The following SH3RF2 variants were observed in gnomAD, a reference collection of about 807,000 sequenced individuals.
SH3RF2 encodes E3 ubiquitin-protein ligase SH3RF2.
A neutral mutation model predicts 59.0 loss-of-function variants in SH3RF2; 43 were observed. The observed-to-expected ratio is 0.73, with a 90% CI of 0.57 to 0.94. The LOEUF is 0.94. Ranked by LOEUF, SH3RF2 falls within the 40% of genes least tolerant of loss-of-function variation. The pLI, the probability that SH3RF2 is intolerant of heterozygous loss-of-function variation, is 0.00. For missense variants in SH3RF2, 930 were observed against 940.1 expected (o/e 0.99, Z 0.14); for synonymous variants, 391 against 391.5 (o/e 1.00, Z 0.01).
intron 4 of SH3RF2, among the ~76,000 whole-genome samples, chr5:146,011,139 C>A (rs1217677140): frequency 3.3e-5 from 5 of 152,136 alleles, no homozygotes; most frequent in African/African-American, 1.2e-4. Flanking sequence ...AATAGGGAAT[C>A]GTTTCCCCAT....
At chr5:146,067,156 T>G (rs1370968796), downstream of SH3RF2, among the ~76,000 whole-genome samples, 3 of 151,982 alleles carry the variant, frequency 2.0e-5, no homozygotes, top group African/African-American at 4.8e-5. Context: ...CAGGAAGAGT[T>G]TAAAGCAGCG....
chr5:145,997,092 C>T, intron 2 of SH3RF2: 1 of 585,390 alleles, frequency 1.7e-6, no homozygotes. Flanking sequence ...CACAGGTAAA[C>T]TCGTATCACG....
intron 9 of SH3RF2, among the ~76,000 whole-genome samples, chr5:146,073,307 C>T (rs1763274072): frequency 1.3e-5 from 2 of 152,360 alleles, no homozygotes; most frequent in East Asian, 1.9e-4. Flanking sequence ...GCTGTGTGTA[C>T]CCCAGAATGC....
chr5:146,062,116 C>T (rs879807085), intron 9 of SH3RF2, among the ~76,000 whole-genome samples: 3 of 152,106 alleles, frequency 2.0e-5, no homozygotes, highest in Non-Finnish European at 2.9e-5. Flanking sequence ...GGATCATACC[C>T]TCTTGCCTCA....
downstream of SH3RF2, among the ~76,000 whole-genome samples, chr5:146,067,993 G>C (rs1763144441): frequency 6.6e-6 from 1 of 152,204 alleles, no homozygotes; most frequent in South Asian, 2.1e-4. Flanking sequence ...AAAGCTAAGA[G>C]CTCTGCTAAC....
At chr5:145,967,824 G>A (rs890129515) in intron 2 of SH3RF2, among the ~76,000 whole-genome samples, 11 of 151,834 alleles carry the variant, frequency 7.2e-5, no homozygotes, top group Non-Finnish European at 1.0e-4. Context: ...CACACCCGGC[G>A]AAGTTTTATA....
intron 5 of SH3RF2, among the ~76,000 whole-genome samples, chr5:146,019,994 G>A (rs1157204054): frequency 6.6e-6 from 1 of 152,118 alleles, no homozygotes; most frequent in South Asian, 2.1e-4. Flanking sequence ...GATACATCTA[G>A]GAGTCTTTTG....
At chr5:146,052,727 G>A (rs971825962) in intron 7 of SH3RF2, among the ~76,000 whole-genome samples, 13 of 152,162 alleles carry the variant, frequency 8.5e-5, no homozygotes, top group African/African-American at 3.1e-4. Flanking sequence ...ATCTATCTGT[G>A]TGCAGGTGAC....
At chr5:146,034,260 C>A (rs1761847609) in intron 5 of SH3RF2, among the ~76,000 whole-genome samples, 2 of 152,340 alleles carry the variant, frequency 1.3e-5, no homozygotes, top group Middle Eastern at 3.4e-3. Flanking sequence ...ATTGCCCAAA[C>A]AGCCTGGGTC....
At chr5:146,035,527 C>T (rs757232901) in intron 5 of SH3RF2, among the ~76,000 whole-genome samples, 1 of 152,048 alleles carries the variant, frequency 6.6e-6, no homozygotes, top group Non-Finnish European at 1.5e-5. Flanking sequence ...GTTACACGGT[C>T]GGTGAAAGCA....
chr5:146,030,768 TG>T (rs1351552329), intron 5 of SH3RF2, among the ~76,000 whole-genome samples: 3 of 105,896 alleles, frequency 2.8e-5, no homozygotes, highest in South Asian at 3.5e-4. Context: ...GGGGCAGGGG[TG>T]GGGGGTGAAA....
exon 10 of SH3RF2, chr5:146,081,377 C>T (rs903082026): frequency 2.0e-5 from 3 of 151,952 alleles, no homozygotes; most frequent in Non-Finnish European, 2.9e-5. Flanking sequence ...TTTCTACCAT[C>T]GGTTTTCAAA....
intron 5 of SH3RF2, among the ~76,000 whole-genome samples, chr5:146,031,426 T>G (rs1761738116): frequency 6.6e-6 from 1 of 152,258 alleles, no homozygotes; most frequent in South Asian, 2.1e-4. Context: ...CAGAAGAGAC[T>G]GAACGAATGA....
rs1343815904 is a variant in SH3RF2 at position 146,002,523 on chromosome 5, AG to A, written c.649-1533del. ...AAGGAAGGAAGGAAGGAAGGAAGGA[AG>A]GAAGGAAGGAAGGATAACCTATAAA... On this transcript the variant is annotated intron_variant, in intron 3 of 9. Coordinates refer to ENST00000359120, the MANE Select transcript of SH3RF2 (RefSeq NM_152550.4). Among the ~76,000 whole-genome samples the A allele has an allele frequency of 5.2e-3, 768 of 148,494 alleles. 14 individuals carry two copies. The highest frequency in any genetic ancestry group is 0.018 in the African/African-American group (725 of 39,584).
At chr5:146,021,431 G>A (rs1231872606) in intron 5 of SH3RF2, among the ~76,000 whole-genome samples, 1 of 152,104 alleles carries the variant, frequency 6.6e-6, no homozygotes, top group African/African-American at 2.4e-5. Flanking sequence ...AGAACTCACT[G>A]AGCATTCCCA....
chr5:146,026,154 T>C (rs1200241375), intron 5 of SH3RF2, among the ~76,000 whole-genome samples: 2 of 152,206 alleles, frequency 1.3e-5, no homozygotes, highest in Admixed American at 1.3e-4. Context: ...GCCTCTTATA[T>C]GTAAAACACT....
chr5:145,947,381 G>A (rs1287920181), intron 2 of SH3RF2, among the ~76,000 whole-genome samples: 2 of 152,164 alleles, frequency 1.3e-5, no homozygotes, highest in Non-Finnish European at 2.9e-5. Context: ...AAGTTACTTA[G>A]TGACTCTGAT....
At chr5:146,066,006 T>A (rs1561774394), downstream of SH3RF2, among the ~76,000 whole-genome samples, 1 of 152,188 alleles carries the variant, frequency 6.6e-6, no homozygotes, top group Admixed American at 6.5e-5. Context: ...AGGAAGATGA[T>A]AAACACATCC....
intron 2 of SH3RF2, among the ~76,000 whole-genome samples, chr5:145,945,704 T>C (rs1757983337): frequency 6.6e-6 from 1 of 151,524 alleles, no homozygotes; most frequent in African/African-American, 2.4e-5. Context: ...AGAGGCAGAG[T>C]GACTAGATAC....
Sources: allele counts gnomAD v4.1 joint callset (sites outside exome capture counted in the v4.1 genomes callset), GRCh38; gene constraint gnomAD v4.1.1; transcripts MANE v1.5; gene names NCBI Gene and HGNC (gene_info 2026-07-23, HGNC 2026-07-21).